Variants in TXNL1 observed in about 807,000 individuals in gnomAD.
TXNL1 encodes thioredoxin like 1, also known as thioredoxin-like protein 1.
A neutral mutation model predicts 35.5 loss-of-function variants in TXNL1; 14 were observed. That is an observed-to-expected ratio of 0.39 (90% CI 0.26 to 0.62). The LOEUF is 0.62. TXNL1 is among the 20% of genes least tolerant of loss of function. The probability of loss-of-function intolerance (pLI) is 0.47; values close to 1 mark genes in which losing one functional copy is unlikely to be tolerated. For missense variants in TXNL1, 263 were observed against 349.7 expected (o/e 0.75, Z 1.98); for synonymous variants, 110 against 115.5 (o/e 0.95, Z 0.31).
At chr18:56,616,128 T>C in intron 5 of TXNL1, 117 bp downstream of exon 5, 2 of 844,988 alleles carry the variant, frequency 2.4e-6, no homozygotes, top group Non-Finnish European at 3.5e-6. Context: ...CAAGACTCTG[T>C]CTCAAAAAAA....
Position 56,612,902 on chromosome 18 carries a change from G to C in TXNL1, c.735+1522C>G, listed in dbSNP as rs565564697. Among the ~76,000 whole-genome samples the C allele has an allele frequency of 3.3e-5, 5 of 151,600 alleles. No individual in the cohort carries two copies. The South Asian group carries it at 1.0e-3, about 32-fold the overall frequency. On this transcript the variant is annotated intron_variant, in intron 6 of 7. Coordinates refer to ENST00000217515, the MANE Select transcript of TXNL1 (RefSeq NM_004786.3). ...TTTTTTTTTTTTGTCACCCAGACTGGAGTGTAATGACACAACTGCAGCTCA... is the reference window on the plus strand; with the variant it reads ...TTTTTTTTTTTTGTCACCCAGACTGCAGTGTAATGACACAACTGCAGCTCA...
In TXNL1 at chr18:56,617,999, A is replaced by AT. The variant is rs760370235; in HGVS notation, c.492+4dup. 6.2e-7 allele frequency: 1 copy of AT among 1,613,712 alleles called. No individual in the cohort carries two copies. The highest frequency in any genetic ancestry group is 2.2e-5 in the East Asian group (1 of 44,860). On this transcript the variant is annotated splice_donor_region_variant and intron_variant, in intron 4 of 7. Coordinates refer to ENST00000217515, the MANE Select transcript of TXNL1 (RefSeq NM_004786.3). ...TCCACAAGCTTATCTTCAGCCCTCA[A>AT]TTACCTGTTCATCACAGTCAGATTC... is the stretch of plus-strand genomic sequence containing the variant.
At chr18:56,632,243 C>T (rs999986071) in intron 1 of TXNL1, among the ~76,000 whole-genome samples, 2 of 152,166 alleles carry the variant, frequency 1.3e-5, no homozygotes, top group African/African-American at 4.8e-5. Context: ...TGTCAATATA[C>T]ACAACTGGTA....
chr18:56,604,393 A>G (rs372754373), intron 7 of TXNL1: 3 of 152,350 alleles, frequency 2.0e-5, no homozygotes, highest in East Asian at 3.9e-4. Flanking sequence ...ATTAAAAATT[A>G]AACTTCTAGC....
At chr18:56,630,890 T>C (rs1450471565) in intron 1 of TXNL1, among the ~76,000 whole-genome samples, 1 of 124,292 alleles carries the variant, frequency 8.0e-6, no homozygotes, top group African/African-American at 2.7e-5. Flanking sequence ...CATTTTCTTT[T>C]TTCTTTTTTT....
intron 7 of TXNL1, chr18:56,604,565 A>T (rs946765629): frequency 1.3e-5 from 2 of 152,208 alleles, no homozygotes; most frequent in East Asian, 3.8e-4. Context: ...TCTTTATATT[A>T]CACCTCAGAC....
chr18:56,635,934 T>C (rs1045316201), intron 1 of TXNL1, among the ~76,000 whole-genome samples: 1 of 152,180 alleles, frequency 6.6e-6, no homozygotes, highest in Non-Finnish European at 1.5e-5. Context: ...ATGTAAATAG[T>C]TGTTATACTG....
chr18:56,604,692 C>T (rs2023860648), intron 7 of TXNL1, among the ~76,000 whole-genome samples: 1 of 152,180 alleles, frequency 6.6e-6, no homozygotes, highest in Admixed American at 6.5e-5. Flanking sequence ...ATAAGTCCTT[C>T]AACTGGTTTT....
chr18:56,598,945 A>G lies in TXNL1; in HGVS notation c.*4082T>C, dbSNP rs1229332844. 2 of 152,334 alleles carry G rather than the reference A, an allele frequency of 1.3e-5. No individual in the cohort carries two copies. The highest frequency in any genetic ancestry group is 4.1e-4 in the South Asian group (2 of 4,830). The allele number at this position is 152,334 out of a possible 1,614,324, so 9.4% of individuals were successfully genotyped here. A position where few individuals can be genotyped will look rare whatever the true frequency, so the allele number is the denominator to read the frequency against. ...GCCAGTATCTCCAAATGCGTGTCCAATTATAAACCAACAGATCATGTTTTC... is the reference window on the plus strand; with the variant it reads ...GCCAGTATCTCCAAATGCGTGTCCAGTTATAAACCAACAGATCATGTTTTC... On this transcript the variant is annotated 3_prime_UTR_variant, in exon 8 of 8. Transcript: ENST00000217515.
At position 56,598,649 on chromosome 18, in the gene TXNL1, A is replaced by G. The variant is rs147334693; in HGVS notation, c.*4378T>C. On this transcript the variant is annotated 3_prime_UTR_variant, in exon 8 of 8. Coordinates refer to ENST00000217515, the MANE Select transcript of TXNL1 (RefSeq NM_004786.3). ...GAGAGAGGCCAGAGCAGAAACAAAG[A>G]GACAATTAGGAGGCACTGCAGTATG... 6.6e-6 allele frequency: 1 copy of G among 152,396 alleles called. No homozygotes were observed. The highest frequency in any genetic ancestry group is 1.5e-5 in the Non-Finnish European group (1 of 68,096). 9.4% of individuals were successfully genotyped at this position (152,396 alleles called of 1,614,324 possible).
rs1287823697 is a variant in TXNL1 at position 56,597,471 on chromosome 18, C to G, written c.*5556G>C. ...TTCCACAATTTAATGGATTAAACAACTGGACATCCCAGCTAATTTCAATAT... is the reference window on the plus strand; with the variant it reads ...TTCCACAATTTAATGGATTAAACAAGTGGACATCCCAGCTAATTTCAATAT... On this transcript the variant is annotated 3_prime_UTR_variant, in exon 8 of 8. Transcript: ENST00000217515. The G allele has an allele frequency of 6.6e-6, 1 of 152,196 alleles. No homozygotes were observed. Among genetic ancestry groups the G allele is most frequent in the Non-Finnish European group, 1.5e-5 (1 of 68,040 alleles). 9.4% of individuals were successfully genotyped at this position (152,196 alleles called of 1,614,324 possible). A position where few individuals can be genotyped will look rare whatever the true frequency, so the allele number is the denominator to read the frequency against.
chr18:56,626,227 A>T, intron 2 of TXNL1, 134 bp downstream of exon 2: 1 of 1,437,536 alleles, frequency 7.0e-7, no homozygotes, highest in Non-Finnish European at 9.1e-7. Context: ...TGTAATAATG[A>T]CATCAACATA....
In TXNL1 at chr18:56,611,062, T is replaced by A. The variant is rs751259197; in HGVS notation, c.771A>T (p.Thr257=). ...FVQSNQGEEE[T]TRISYFTFIG... ...TAAAAGTAAAATATGAAATTCTTGT[T>A]GTTTCCTCTTCACCTTGATTCGACT... The change falls in exon 7 of 8, where the codon ACA becomes ACT. Residue 257 remains threonine, a synonymous_variant. Coordinates refer to ENST00000217515, the MANE Select transcript of TXNL1 (RefSeq NM_004786.3). 6.8e-6 allele frequency: 11 copies of A among 1,608,130 alleles called. No homozygotes were observed. The highest frequency in any genetic ancestry group is 9.3e-6 in the Non-Finnish European group (11 of 1,178,132).
chr18:56,603,575 TTAAGAGTACTATTA>T (rs1328007286), intron 7 of TXNL1, among the ~76,000 whole-genome samples: 2 of 152,060 alleles, frequency 1.3e-5, no homozygotes, highest in Non-Finnish European at 2.9e-5. Context: ...CCTGGTTACT[TTAAGAGTACTATTA>T]AAAATGAAAT....
chr18:56,637,012 A>T (rs1470829678), intron 1 of TXNL1, among the ~76,000 whole-genome samples: 1 of 152,214 alleles, frequency 6.6e-6, no homozygotes, highest in Non-Finnish European at 1.5e-5. Flanking sequence ...TGTTTTATAT[A>T]TATGACATCA....
chr18:56,599,376 AACTGGG>A lies in TXNL1; in HGVS notation c.*3645_*3650del, dbSNP rs2023782227. 1 of 152,042 alleles carries A rather than the reference AACTGGG, an allele frequency of 6.6e-6. No homozygotes were observed. Among genetic ancestry groups the A allele is most frequent in the Non-Finnish European group, 1.5e-5 (1 of 68,012 alleles). The allele number at this position is 152,042 out of a possible 1,614,324, so 9.4% of individuals were successfully genotyped here. On this transcript the variant is annotated 3_prime_UTR_variant, in exon 8 of 8. Transcript: ENST00000217515. The stretch of plus-strand genomic sequence containing the variant: ...AGTCTTCCTTAAGAAGTATAGGCTT[AACTGGG>A]GAATAGTCAATATTTTAAAATTTAT...
At chr18:56,616,398 G>T in intron 4 of TXNL1, 84 bp from the exon 5 acceptor site, 1 of 1,248,042 alleles carries the variant, frequency 8.0e-7, no homozygotes. Flanking sequence ...AAAATAACAG[G>T]CAAGAAAAAA....
At chr18:56,638,201 C>A in intron 1 of TXNL1, 142 bp downstream of exon 1, 3 of 816,094 alleles carry the variant, frequency 3.7e-6, no homozygotes, top group Non-Finnish European at 5.6e-6. Flanking sequence ...AGAAACGAGG[C>A]CTAATTCCGG....
intron 7 of TXNL1, among the ~76,000 whole-genome samples, chr18:56,608,089 C>A (rs925392314): frequency 2.0e-5 from 3 of 152,032 alleles, no homozygotes; most frequent in Non-Finnish European, 2.9e-5. Flanking sequence ...AAGAATGTAT[C>A]CCCCCGCCCC....
Sources: gnomAD v4.1 joint callset for allele counts (sites outside exome capture counted in the v4.1 genomes callset) on GRCh38, gnomAD v4.1.1 for gene constraint, MANE v1.5 for transcripts, NCBI Gene and HGNC (gene_info 2026-07-23, HGNC 2026-07-21) for gene names.